CDK17: variants seen among roughly 807,000 people sequenced by gnomAD.
The protein encoded by CDK17 is cyclin-dependent kinase 17.
A neutral mutation model predicts 77.6 loss-of-function variants in CDK17; 24 were observed. The ratio of observed to expected loss-of-function variants is 0.31; its 90% CI spans 0.22 to 0.44. The LOEUF (loss-of-function observed/expected upper bound fraction) is 0.44. Ranked by LOEUF, CDK17 falls within the 20% of genes least tolerant of loss-of-function variation. The probability of loss-of-function intolerance (pLI) is 1.00; values close to 1 mark genes in which losing one functional copy is unlikely to be tolerated. For missense variants in CDK17, 429 were observed against 622.5 expected, an observed-to-expected ratio of 0.69 and a Z score of 3.31; for synonymous variants, 203 against 210.4, an observed-to-expected ratio of 0.96 and a Z score of 0.30.
chr12:96,379,429 TA>T (rs1953839075), intron 1 of CDK17, among the ~76,000 whole-genome samples: 1 of 151,374 alleles, frequency 6.6e-6, no homozygotes, highest in Non-Finnish European at 1.5e-5. Flanking sequence ...TTTTTAAATC[TA>T]ATTTTTTTTT....
chr12:96,302,124 A>G (rs1164886642), intron 5 of CDK17, among the ~76,000 whole-genome samples: 1 of 152,138 alleles, frequency 6.6e-6, no homozygotes, highest in Non-Finnish European at 1.5e-5. Context: ...TCATCCATGT[A>G]TTGTCTTGAA....
At chr12:96,390,518 G>A (rs1425623378) in intron 1 of CDK17, among the ~76,000 whole-genome samples, 18 of 149,334 alleles carry the variant, frequency 1.2e-4, no homozygotes, top group African/African-American at 4.4e-4. Context: ...AGACCAGCCT[G>A]CCCAACATGG....
chr12:96,375,975 T>C (rs890264554), intron 1 of CDK17, among the ~76,000 whole-genome samples: 1 of 152,202 alleles, frequency 6.6e-6, no homozygotes, highest in Non-Finnish European at 1.5e-5. Context: ...TCTTTGCAAA[T>C]GAGCCTAAGA....
intron 1 of CDK17, among the ~76,000 whole-genome samples, chr12:96,377,694 C>T (rs201452990): frequency 1.4e-4 from 17 of 121,388 alleles, no homozygotes; most frequent in African/African-American, 3.1e-4. Flanking sequence ...TTTTTTTTTT[C>T]GTTTTTTTTT....
At chr12:96,363,859 A>C (rs1013898661) in intron 1 of CDK17, among the ~76,000 whole-genome samples, 1 of 152,192 alleles carries the variant, frequency 6.6e-6, no homozygotes, top group African/African-American at 2.4e-5. Context: ...AAAACAAACA[A>C]ACACATAAAT....
chr12:96,366,982 C>CTG (rs1189079600), intron 1 of CDK17, among the ~76,000 whole-genome samples: 1 of 152,084 alleles, frequency 6.6e-6, no homozygotes, highest in African/African-American at 2.4e-5. Context: ...ACTTATTTCA[C>CTG]TGTAACTCAG....
rs1953825359 is a variant in CDK17, at chr12:96,378,617, T to C, written c.-30+21369A>G. On this transcript the variant is annotated intron_variant, in intron 1 of 16. Transcript: ENST00000261211. ...TCTCTCAGCTGACAGTGGAAGAAAA[T>C]ACTTGACCTAAAGATCTACAATTGC... Among the ~76,000 whole-genome samples the C allele has an allele frequency of 2.6e-5, 4 of 152,144 alleles. No individual in the cohort carries two copies. The South Asian group carries it at 8.3e-4, about 32-fold the overall frequency.
intron 1 of CDK17, among the ~76,000 whole-genome samples, chr12:96,345,397 C>T (rs1163133742): frequency 2.6e-5 from 4 of 152,150 alleles, no homozygotes; most frequent in East Asian, 1.9e-4. Flanking sequence ...TTTGAGGAAT[C>T]GCCACACTGT....
intron 1 of CDK17, among the ~76,000 whole-genome samples, chr12:96,364,693 T>C (rs2137195509): frequency 6.6e-6 from 1 of 152,326 alleles, no homozygotes; most frequent in South Asian, 2.1e-4. Context: ...CGGCACATAC[T>C]ACAGGAAATC....
chr12:96,295,132 CAAAT>C lies in CDK17; in HGVS notation c.874-14_874-11del, dbSNP rs765703398. The C allele has an allele frequency of 1.1e-5, 18 of 1,585,412 alleles. No individual in the cohort carries two copies. The highest frequency in any genetic ancestry group is 6.9e-5 in the South Asian group (6 of 86,492). ...TTTGGTACAGAAACAGCTACAGAAA[CAAAT>C]AAATAAAAATTAGTCTTAAAGATGA... On this transcript the variant is annotated splice_polypyrimidine_tract_variant and intron_variant, in intron 9 of 16. Transcript: ENST00000261211.
chr12:96,346,045 C>T (rs997700317), intron 1 of CDK17, among the ~76,000 whole-genome samples: 7 of 152,174 alleles, frequency 4.6e-5, no homozygotes, highest in African/African-American at 9.7e-5. Context: ...TATAAGAGAC[C>T]GGGTGCAGTG....
At chr12:96,330,785 T>C (rs1952955511) in intron 2 of CDK17, among the ~76,000 whole-genome samples, 1 of 152,214 alleles carries the variant, frequency 6.6e-6, no homozygotes, top group African/African-American at 2.4e-5. Flanking sequence ...ACCTTAGCTG[T>C]TGTGAATAGT....
chr12:96,329,396 G>A (rs1301976350), intron 2 of CDK17, among the ~76,000 whole-genome samples: 1 of 152,078 alleles, frequency 6.6e-6, no homozygotes, highest in Non-Finnish European at 1.5e-5. Flanking sequence ...GATTTCCAAT[G>A]ATTTTTACCA....
At chr12:96,343,298 A>G (rs1439387279) in intron 1 of CDK17, among the ~76,000 whole-genome samples, 3 of 152,212 alleles carry the variant, frequency 2.0e-5, no homozygotes, top group East Asian at 3.8e-4. Flanking sequence ...CTTGACTCAC[A>G]TGGGCAAACC....
chr12:96,288,344 C>A (rs776932901), intron 11 of CDK17, among the ~76,000 whole-genome samples: 5 of 151,980 alleles, frequency 3.3e-5, no homozygotes, highest in Non-Finnish European at 7.4e-5. Flanking sequence ...GAACTGCCAA[C>A]AGAGGCTAGA....
intron 13 of CDK17, chr12:96,284,347 G>C (rs1043890987): frequency 7.2e-5 from 11 of 151,968 alleles, no homozygotes; most frequent in African/African-American, 2.4e-4. Flanking sequence ...TGTAGTCCCA[G>C]CTACTCGGGA....
intron 2 of CDK17, 96 bp downstream of exon 2, chr12:96,334,623 G>A: frequency 1.5e-6 from 1 of 669,940 alleles, no homozygotes. Flanking sequence ...AATAAACAAA[G>A]GGAAGCTATT....
At chr12:96,332,168 T>C (rs2137139026) in intron 2 of CDK17, among the ~76,000 whole-genome samples, 1 of 152,288 alleles carries the variant, frequency 6.6e-6, no homozygotes, top group South Asian at 2.1e-4. Context: ...TTGTAGCCTA[T>C]AAGTAACAGG....
chr12:96,377,695 G>GT (rs374797342), intron 1 of CDK17, among the ~76,000 whole-genome samples: 10,741 of 123,776 alleles, frequency 0.087, 617 homozygotes, highest in African/African-American at 0.13. Flanking sequence ...TTTTTTTTTC[G>GT]TTTTTTTTTT....
Sources: allele counts gnomAD v4.1 joint callset (sites outside exome capture counted in the v4.1 genomes callset), GRCh38; gene constraint gnomAD v4.1.1; transcripts MANE v1.5; gene names NCBI Gene and HGNC (gene_info 2026-07-23, HGNC 2026-07-21).